IDE: variants seen among roughly 807,000 people sequenced by gnomAD.
IDE encodes the protein insulin-degrading enzyme.
In IDE, 58 loss-of-function variants were observed where a neutral mutation model predicts 133.2. That is an observed-to-expected ratio of 0.44 (90% CI 0.35 to 0.54). The LOEUF (loss-of-function observed/expected upper bound fraction) is 0.54. IDE is among the 20% of genes least tolerant of loss of function. IDE has a pLI of 0.00. For missense variants in IDE, 981 were observed against 1,234.0 expected (o/e 0.79, Z 3.07); for synonymous variants, 396 against 421.3 (o/e 0.94, Z 0.73).
At chr10:92,537,623 C>T (rs1055158073) in intron 1 of IDE, 73 bp from the exon 2 acceptor site, 1 of 1,088,688 alleles carries the variant, frequency 9.2e-7, no homozygotes. Flanking sequence ...GTCAAGTAAA[C>T]CCATATAATA....
chr10:92,538,689 T>C (rs1458816987), intron 1 of IDE, among the ~76,000 whole-genome samples: 1 of 151,744 alleles, frequency 6.6e-6, no homozygotes, highest in African/African-American at 2.4e-5. Flanking sequence ...ATTAGTGCAG[T>C]GAAGGGACTT....
intron 21 of IDE, among the ~76,000 whole-genome samples, chr10:92,463,448 AC>A (rs1253977744): frequency 6.6e-6 from 1 of 152,210 alleles, no homozygotes; most frequent in African/African-American, 2.4e-5. Flanking sequence ...ATCTCAGGAT[AC>A]ACTGATGAAA....
At chr10:92,525,280 T>C (rs1300403156) in intron 4 of IDE, among the ~76,000 whole-genome samples, 1 of 151,986 alleles carries the variant, frequency 6.6e-6, no homozygotes, top group South Asian at 2.1e-4. Flanking sequence ...ACATGATACA[T>C]CACAGTAACA....
At chr10:92,510,810 TCA>T (rs1848574148) in intron 5 of IDE, among the ~76,000 whole-genome samples, 2 of 150,560 alleles carry the variant, frequency 1.3e-5, no homozygotes, top group South Asian at 2.1e-4. Flanking sequence ...CACATACATA[TCA>T]CATATATGAT....
At chr10:92,528,509 T>C (rs917951260) in intron 4 of IDE, among the ~76,000 whole-genome samples, 24 of 151,240 alleles carry the variant, frequency 1.6e-4, no homozygotes, top group African/African-American at 5.3e-4. Context: ...CTACATCCCA[T>C]GATGTAAGAT....
At chr10:92,569,592 G>A (rs1843695523) in intron 1 of IDE, among the ~76,000 whole-genome samples, 1 of 151,680 alleles carries the variant, frequency 6.6e-6, no homozygotes, top group African/African-American at 2.4e-5. Context: ...AGGCAATGAG[G>A]GAAAAAGATT....
chr10:92,551,651 A>G (rs1842789758), intron 1 of IDE, among the ~76,000 whole-genome samples: 1 of 151,984 alleles, frequency 6.6e-6, no homozygotes, highest in South Asian at 2.1e-4. Context: ...AGGTACCTAG[A>G]GTAGTCAAAT....
At chr10:92,572,274 C>A (rs1843821773) in intron 1 of IDE, among the ~76,000 whole-genome samples, 1 of 152,174 alleles carries the variant, frequency 6.6e-6, no homozygotes, top group Admixed American at 6.5e-5. Context: ...GAATTTAGAA[C>A]AAAAGCAGAC....
chr10:92,506,770 T>C (rs1184601092), intron 9 of IDE, among the ~76,000 whole-genome samples: 1 of 152,144 alleles, frequency 6.6e-6, no homozygotes, highest in Non-Finnish European at 1.5e-5. Flanking sequence ...CAACTTTCAA[T>C]GAAAATAACA....
chr10:92,464,034 G>A lies in IDE; in HGVS notation c.2489-31C>T, dbSNP rs112805965. 63 of 1,584,262 alleles carry A rather than the reference G, an allele frequency of 4.0e-5. 1 individual carries two copies. Among genetic ancestry groups the A allele is most frequent in the East Asian group, 1.1e-4 (5 of 44,446 alleles). On this transcript the variant is annotated intron_variant, in intron 20 of 24. Coordinates refer to ENST00000265986, the MANE Select transcript of IDE (RefSeq NM_004969.4). ...ACACAGACATCAGCCAGTCATGACC[G>A]TGGCATTTGAGACCTGGGTCATTTT...
chr10:92,507,764 C>G lies in IDE; in HGVS notation c.1154-98G>C, dbSNP rs924424884. 5 of 757,102 alleles carry G rather than the reference C, an allele frequency of 6.6e-6. No individual in the cohort carries two copies. The African/African-American group carries it at 8.6e-5, about 13-fold the overall frequency. 46.9% of individuals were successfully genotyped at this position (757,102 alleles called of 1,614,324 possible). Reference sequence around the variant, plus strand: ...TAAAGTCAGATAAGTGGAAGATGGTCCCTCTTAGAAAATGCAGTCCTCACC... The same window carrying G: ...TAAAGTCAGATAAGTGGAAGATGGTGCCTCTTAGAAAATGCAGTCCTCACC... On this transcript the variant is annotated intron_variant, in intron 8 of 24. Transcript: ENST00000265986.
At chr10:92,503,524 C>T (rs1276283789) in intron 11 of IDE, among the ~76,000 whole-genome samples, 1 of 152,034 alleles carries the variant, frequency 6.6e-6, no homozygotes, top group Non-Finnish European at 1.5e-5. Context: ...AGTCCACCAA[C>T]CACCTAGGAG....
chr10:92,521,629 GA>G (rs1254463561), intron 4 of IDE, among the ~76,000 whole-genome samples: 1 of 151,890 alleles, frequency 6.6e-6, no homozygotes, highest in Non-Finnish European at 1.5e-5. Flanking sequence ...AGAATCGCTT[GA>G]AACTAGGATT....
intron 5 of IDE, among the ~76,000 whole-genome samples, chr10:92,514,061 A>G (rs566717287): frequency 6.6e-6 from 1 of 152,338 alleles, no homozygotes; most frequent in Non-Finnish European, 1.5e-5. Context: ...ATTTTCGCTA[A>G]TATGTACTAT....
intron 1 of IDE, among the ~76,000 whole-genome samples, chr10:92,558,519 A>G (rs1376281663): frequency 6.6e-6 from 1 of 152,262 alleles, no homozygotes; most frequent in Non-Finnish European, 1.5e-5. Context: ...GAAAGTGAAA[A>G]GACAACCTAT....
At chr10:92,455,787 C>A in intron 23 of IDE, 144 bp from the exon 24 acceptor site, 1 of 580,596 alleles carries the variant, frequency 1.7e-6, no homozygotes. Context: ...TAAAGGTTGC[C>A]TGCTACCCAA....
At chr10:92,530,034 T>C (rs1396000193) in intron 4 of IDE, among the ~76,000 whole-genome samples, 2 of 152,002 alleles carry the variant, frequency 1.3e-5, no homozygotes, top group Non-Finnish European at 2.9e-5. Context: ...GAGACCAGCC[T>C]GACCAACATG....
intron 11 of IDE, among the ~76,000 whole-genome samples, chr10:92,503,752 CTTG>C (rs1307302479): frequency 6.8e-6 from 1 of 148,000 alleles, no homozygotes; most frequent in Admixed American, 6.8e-5. Context: ...GAGTTTCACT[CTTG>C]TTGCCTAGGC....
intron 14 of IDE, chr10:92,479,622 T>C (rs763856006): frequency 5.6e-5 from 29 of 520,426 alleles, no homozygotes; most frequent in South Asian, 1.0e-4. Context: ...TGTGTGTGTG[T>C]GTGTGTGCAT....
Sources: gnomAD v4.1 joint callset for allele counts (sites outside exome capture counted in the v4.1 genomes callset) on GRCh38, gnomAD v4.1.1 for gene constraint, MANE v1.5 for transcripts, NCBI Gene and HGNC (gene_info 2026-07-23, HGNC 2026-07-21) for gene names.